The following PARP11 variants were observed in gnomAD, a reference collection of about 807,000 sequenced individuals.
The protein encoded by PARP11 is protein mono-ADP-ribosyltransferase PARP11.
Under a neutral mutation model 42.9 loss-of-function variants are expected in PARP11, and 31 were observed. The observed-to-expected ratio is 0.72, with a 90% CI of 0.54 to 0.98. The LOEUF (loss-of-function observed/expected upper bound fraction) is 0.98. PARP11 is among the 50% of genes least tolerant of loss of function. The pLI, the probability that PARP11 is intolerant of heterozygous loss-of-function variation, is 0.00. For missense variants in PARP11, 365 were observed against 413.1 expected (o/e 0.88, Z 1.01); for synonymous variants, 137 against 127.3 (o/e 1.08, Z -0.51).
rs1947886866 is a variant in PARP11, at chr12:3,841,400, A to G, written c.19-11382T>C. 6 of 1,316,892 alleles carry G rather than the reference A, an allele frequency of 4.6e-6. No individual in the cohort carries two copies. In the Admixed American group the frequency reaches 1.0e-4, roughly 22 times the overall value. 81.6% of individuals were successfully genotyped at this position (1,316,892 alleles called of 1,614,324 possible). On this transcript the variant is annotated intron_variant, in intron 1 of 7. Transcript: ENST00000228820. ...TACCCAAAGGTCCCTGTCCCTGTTTATCTTCATAATCCCTGGTTCAAAGAG... is the reference window on the plus strand; with the variant it reads ...TACCCAAAGGTCCCTGTCCCTGTTTGTCTTCATAATCCCTGGTTCAAAGAG...
chr12:3,816,242 C>A (rs1415566592), intron 6 of PARP11, among the ~76,000 whole-genome samples: 1 of 152,132 alleles, frequency 6.6e-6, no homozygotes, highest in African/African-American at 2.4e-5. Context: ...CCCACTGTTT[C>A]AATCTTCCAA....
chr12:3,869,319 C>T (rs999418996), intron 1 of PARP11, among the ~76,000 whole-genome samples: 1 of 152,204 alleles, frequency 6.6e-6, no homozygotes, highest in Non-Finnish European at 1.5e-5. Context: ...AATACATAAA[C>T]TCATTTTCCA....
chr12:3,843,325 T>C (rs1187988721), intron 1 of PARP11, among the ~76,000 whole-genome samples: 1 of 152,206 alleles, frequency 6.6e-6, no homozygotes, highest in Non-Finnish European at 1.5e-5. Context: ...ATTTTGAAAA[T>C]AATCTGCATC....
At chr12:3,815,795 A>C (rs1176656127) in intron 6 of PARP11, among the ~76,000 whole-genome samples, 1 of 152,376 alleles carries the variant, frequency 6.6e-6, no homozygotes, top group African/African-American at 2.4e-5. Context: ...AATAGATTTC[A>C]GTTAAGCTTT....
At position 3,811,933 on chromosome 12, in the gene PARP11, G is replaced by A. The variant is rs2138001902; in HGVS notation, c.*190C>T. 1 of 536,686 alleles carries A rather than the reference G, an allele frequency of 1.9e-6. No homozygotes were observed. Among genetic ancestry groups the A allele is most frequent in the Non-Finnish European group, 3.3e-6 (1 of 306,574 alleles). The allele number at this position is 536,686 out of a possible 1,614,324, so 33.2% of individuals were successfully genotyped here. A position where few individuals can be genotyped will look rare whatever the true frequency, so the allele number is the denominator to read the frequency against. On this transcript the variant is annotated 3_prime_UTR_variant, in exon 8 of 8. Coordinates refer to ENST00000228820, the MANE Select transcript of PARP11 (RefSeq NM_020367.6). The stretch of plus-strand genomic sequence containing the variant: ...CAACTTTTAACAAACAAGACTACAA[G>A]AAACAGGCAAAAACAAAACAACAAA...
chr12:3,863,175 T>C (rs1237004676), intron 1 of PARP11, among the ~76,000 whole-genome samples: 1 of 152,242 alleles, frequency 6.6e-6, no homozygotes, highest in Non-Finnish European at 1.5e-5. Flanking sequence ...TATATGTTGC[T>C]ACTGTATAGA....
chr12:3,834,464 C>T (rs1354227762), intron 1 of PARP11, among the ~76,000 whole-genome samples: 1 of 151,798 alleles, frequency 6.6e-6, no homozygotes, highest in Non-Finnish European at 1.5e-5. Context: ...GAAACCCCAA[C>T]TCTACAAAAA....
At chr12:3,859,560 A>T (rs1390184650) in intron 1 of PARP11, among the ~76,000 whole-genome samples, 7 of 53,556 alleles carry the variant, frequency 1.3e-4, no homozygotes, top group Non-Finnish European at 1.1e-4. Flanking sequence ...AGACTCTGCT[A>T]AAAAAAAAAA....
At chr12:3,841,260 G>A (rs1163012329) in intron 1 of PARP11, 11 of 1,385,354 alleles carry the variant, frequency 7.9e-6, no homozygotes, top group South Asian at 1.2e-5. Context: ...CTAAAGATAA[G>A]AATATTCTTC....
chr12:3,853,527 A>G (rs1033170253), intron 1 of PARP11, among the ~76,000 whole-genome samples: 3 of 152,236 alleles, frequency 2.0e-5, no homozygotes, highest in Admixed American at 2.0e-4. Flanking sequence ...AAAGATCAAA[A>G]GAGACAAAGA....
At chr12:3,826,283 A>G (rs778902936) in intron 3 of PARP11, 50 bp from the exon 4 acceptor site, 2 of 1,305,156 alleles carry the variant, frequency 1.5e-6, no homozygotes, top group Admixed American at 4.8e-5. Context: ...ACACTGTACT[A>G]TAAAGTGTCA....
intron 1 of PARP11, among the ~76,000 whole-genome samples, chr12:3,837,155 TCACTC>T (rs1348991599): frequency 6.6e-6 from 1 of 152,148 alleles, no homozygotes; most frequent in African/African-American, 2.4e-5. Context: ...TGTAGGAGCT[TCACTC>T]CACAGGTTTC....
chr12:3,832,213 T>C (rs1269561928), intron 1 of PARP11: 1 of 421,256 alleles, frequency 2.4e-6, no homozygotes, highest in African/African-American at 2.2e-5. Flanking sequence ...CAGGTACCAT[T>C]GTATTGAACA....
intron 1 of PARP11, among the ~76,000 whole-genome samples, chr12:3,863,213 C>G (rs1266587175): frequency 6.6e-6 from 1 of 152,106 alleles, no homozygotes; most frequent in African/African-American, 2.4e-5. Flanking sequence ...ATATGAATTC[C>G]ATATCTAGCA....
intron 1 of PARP11, among the ~76,000 whole-genome samples, chr12:3,845,071 T>C (rs1343487124): frequency 6.6e-6 from 1 of 152,234 alleles, no homozygotes; most frequent in Non-Finnish European, 1.5e-5. Context: ...CATACATATT[T>C]TGAAGAACAG....
rs1160555238 is a variant in PARP11 at position 3,812,179 on chromosome 12, A to G, written c.961T>C (p.Phe321Leu). 18 of 1,614,012 alleles carry G rather than the reference A, an allele frequency of 1.1e-5. No individual in the cohort carries two copies. Among genetic ancestry groups the G allele is most frequent in the Non-Finnish European group, 1.4e-5 (17 of 1,180,034 alleles). Residue 321 changes from phenylalanine to leucine, a missense_variant, in exon 8 of 8, where the codon TTT becomes CTT. Transcript: ENST00000228820. ...ATTTGGTTGGCATCAAAAACCACAAAGATCTTTGGGTTCCAGGTATCATCC... is the reference window on the plus strand; with the variant it reads ...ATTTGGTTGGCATCAAAAACCACAAGGATCTTTGGGTTCCAGGTATCATCC... ...CVDDTWNPKIFVVFDANQIYP... is the reference protein window; with the variant it reads ...CVDDTWNPKILVVFDANQIYP...
At chr12:3,838,232 A>G (rs974699003) in intron 1 of PARP11, among the ~76,000 whole-genome samples, 1 of 151,860 alleles carries the variant, frequency 6.6e-6, no homozygotes, top group African/African-American at 2.4e-5. Context: ...ACAATTTCAA[A>G]AAAGCAGAAA....
chr12:3,817,998 C>T (rs1227808234), intron 6 of PARP11, among the ~76,000 whole-genome samples: 1 of 152,102 alleles, frequency 6.6e-6, no homozygotes, highest in South Asian at 2.1e-4. Context: ...TAACAAGATG[C>T]TCTTATTTCC....
intron 6 of PARP11, among the ~76,000 whole-genome samples, chr12:3,816,703 G>T (rs1259630278): frequency 6.6e-6 from 1 of 152,304 alleles, no homozygotes; most frequent in Middle Eastern, 3.4e-3. Context: ...GATCTGCAAT[G>T]ACTAGAATCC....
Sources: gnomAD v4.1 joint callset for allele counts (sites outside exome capture counted in the v4.1 genomes callset) on GRCh38, gnomAD v4.1.1 for gene constraint, MANE v1.5 for transcripts, NCBI Gene and HGNC (gene_info 2026-07-23, HGNC 2026-07-21) for gene names.